Variants in IL31RA observed in about 807,000 individuals in gnomAD.
The protein encoded by IL31RA is interleukin 31 receptor A, also known as interleukin-31 receptor subunit alpha.
Under a neutral mutation model 83.7 loss-of-function variants are expected in IL31RA, and 66 were observed. The observed-to-expected ratio is 0.79, with a 90% CI of 0.65 to 0.97. IL31RA has a LOEUF of 0.97. IL31RA is among the 50% of genes least tolerant of loss of function. The pLI is 0.00. For synonymous variants in IL31RA, 325 were observed against 329.0 expected (o/e 0.99, Z 0.13); for missense variants, 798 against 919.4 (o/e 0.87, Z 1.71).
intron 2 of IL31RA, among the ~76,000 whole-genome samples, chr5:55,862,781 C>G (rs916684089): frequency 6.6e-6 from 1 of 152,178 alleles, no homozygotes; most frequent in African/African-American, 2.4e-5. Flanking sequence ...TCCTTGGTCT[C>G]TGCCGGTCTG....
At chr5:55,910,476 A>G in intron 11 of IL31RA, 56 bp from the exon 12 acceptor site, 1 of 1,608,648 alleles carries the variant, frequency 6.2e-7, no homozygotes, top group Non-Finnish European at 8.5e-7. Context: ...TGCTACTGGG[A>G]CACAATTTTC....
chr5:55,873,068 A>G (rs1344466405), intron 4 of IL31RA, among the ~76,000 whole-genome samples: 2 of 152,182 alleles, frequency 1.3e-5, no homozygotes, highest in East Asian at 3.9e-4. Context: ...TCAGTCCTCA[A>G]TCCTTTGTTT....
intron 4 of IL31RA, among the ~76,000 whole-genome samples, chr5:55,881,974 G>T (rs1351060458): frequency 6.6e-6 from 1 of 152,070 alleles, no homozygotes; most frequent in South Asian, 2.1e-4. Context: ...GCCTCCCAAA[G>T]TGCTGGGATT....
At chr5:55,884,468 T>C (rs1206136800) in intron 5 of IL31RA, among the ~76,000 whole-genome samples, 4 of 152,208 alleles carry the variant, frequency 2.6e-5, no homozygotes, top group Admixed American at 6.5e-5. Flanking sequence ...AGGGTCTCAC[T>C]CTGTTACCCA....
intron 12 of IL31RA, among the ~76,000 whole-genome samples, chr5:55,911,234 C>G (rs1480493488): frequency 6.6e-6 from 1 of 152,082 alleles, no homozygotes; most frequent in African/African-American, 2.4e-5. Flanking sequence ...GTGATTTCCC[C>G]CTATAAAACC....
chr5:55,922,382 C>A lies in IL31RA; in HGVS notation c.*5262C>A, dbSNP rs1156803655. ...AGGGAAGTGAGATACTTGTACTATG[C>A]ATTTCATTTTTAGGACTAGAATTCT... On this transcript the variant is annotated 3_prime_UTR_variant, in exon 15 of 15. Transcript: ENST00000652347. The A allele has an allele frequency of 6.5e-7, 1 of 1,548,864 alleles. No individual in the cohort carries two copies. The highest frequency in any genetic ancestry group is 1.2e-5 in the South Asian group (1 of 84,004).
At chr5:55,897,381 G>A (rs1748469953) in intron 7 of IL31RA, among the ~76,000 whole-genome samples, 1 of 151,908 alleles carries the variant, frequency 6.6e-6, no homozygotes, top group Non-Finnish European at 1.5e-5. Flanking sequence ...TTCGGGGTGG[G>A]TAGAAAGTGA....
chr5:55,882,222 A>G (rs1747284216), intron 4 of IL31RA, among the ~76,000 whole-genome samples: 1 of 152,190 alleles, frequency 6.6e-6, no homozygotes, highest in Admixed American at 6.5e-5. Context: ...CTGATTAGCT[A>G]CCTACTGTAA....
At chr5:55,910,909 TG>T (rs1381887271) in intron 12 of IL31RA, among the ~76,000 whole-genome samples, 2 of 152,184 alleles carry the variant, frequency 1.3e-5, no homozygotes, top group African/African-American at 4.8e-5. Context: ...TCGTTCCTCA[TG>T]GGCAGCCACA....
At chr5:55,840,122 T>C in the IL31RA span, 1 of 310,030 alleles carries the variant, frequency 3.2e-6, no homozygotes, top group Non-Finnish European at 6.2e-6. Context: ...TGGTAGACTT[T>C]ACTAGTATCT....
chr5:55,880,371 A>G (rs1747130550), intron 4 of IL31RA, among the ~76,000 whole-genome samples: 1 of 152,154 alleles, frequency 6.6e-6, no homozygotes. Flanking sequence ...AAGAATTACA[A>G]AGACCCCATT....
At chr5:55,888,055 C>A (rs1195376955) in intron 5 of IL31RA, among the ~76,000 whole-genome samples, 86 of 146,312 alleles carry the variant, frequency 5.9e-4, no homozygotes, top group East Asian at 1.2e-3. Context: ...AAAAAAAAAA[C>A]AAAAAACCAC....
chr5:55,852,701 A>G (rs1251449913), intron 1 of IL31RA, among the ~76,000 whole-genome samples: 4 of 152,176 alleles, frequency 2.6e-5, no homozygotes, highest in Non-Finnish European at 5.9e-5. Flanking sequence ...TCAGTCCATT[A>G]CAAACGGTTG....
intron 2 of IL31RA, among the ~76,000 whole-genome samples, chr5:55,866,442 C>T (rs921705840): frequency 7.3e-5 from 11 of 150,682 alleles, no homozygotes; most frequent in South Asian, 4.2e-4. Flanking sequence ...GTTAGATTCT[C>T]ATAAGGAGTG....
In IL31RA at chr5:55,903,747, A is replaced by T. The variant is rs1253272474; in HGVS notation, c.1070-2359A>T. On this transcript the variant is annotated intron_variant, in intron 8 of 14. Coordinates refer to ENST00000652347, the MANE Select transcript of IL31RA (RefSeq NM_139017.7). This position sits in a 1 kb window ranked among gnomAD's most constrained non-coding sequence, Gnocchi z 4.7. ...ATTTTTTAAAAAAGTGCCTCCAGGG[A>T]GATGAGGAAGCTGCAGAAGCAGGCC... Among the ~76,000 whole-genome samples, 2 of 152,196 alleles carry T rather than the reference A, an allele frequency of 1.3e-5. No individual in the cohort carries two copies. Among genetic ancestry groups the T allele is most frequent in the Admixed American group, 6.5e-5 (1 of 15,286 alleles).
chr5:55,909,408 G>A (rs547060012), intron 11 of IL31RA, among the ~76,000 whole-genome samples: 6 of 152,102 alleles, frequency 3.9e-5, no homozygotes, highest in South Asian at 2.1e-4. Context: ...TGTGTTTTTC[G>A]TTCTTTGGGG....
intron 6 of IL31RA, among the ~76,000 whole-genome samples, chr5:55,895,348 T>A (rs1748266795): frequency 6.6e-6 from 1 of 152,246 alleles, no homozygotes; most frequent in Admixed American, 6.5e-5. Context: ...TTCAGGTGCA[T>A]GTCAGGGCAT....
intron 4 of IL31RA, among the ~76,000 whole-genome samples, chr5:55,877,472 G>A (rs1229298539): frequency 6.6e-6 from 1 of 152,130 alleles, no homozygotes; most frequent in Non-Finnish European, 1.5e-5. Flanking sequence ...TTAATGTCTA[G>A]TGTCCTTTCA....
Position 55,922,482 on chromosome 5 carries a change from A to G in IL31RA, c.*5362A>G. ...TGTCCTGTGGTCTATGCAAATTAGA[A>G]AGGACATGCAGAGTTTTCCAACTAG... On this transcript the variant is annotated 3_prime_UTR_variant, in exon 15 of 15. Coordinates refer to ENST00000652347, the MANE Select transcript of IL31RA (RefSeq NM_139017.7). The G allele has an allele frequency of 6.8e-7, 1 of 1,469,468 alleles. No homozygotes were observed. The highest frequency in any genetic ancestry group is 1.2e-5 in the South Asian group (1 of 81,674). The allele number at this position is 1,469,468 out of a possible 1,614,324, so 91.0% of individuals were successfully genotyped here. A position where few individuals can be genotyped will look rare whatever the true frequency, so the allele number is the denominator to read the frequency against.
Sources: allele counts gnomAD v4.1 joint callset (sites outside exome capture counted in the v4.1 genomes callset), GRCh38; gene constraint gnomAD v4.1.1; non-coding constraint Gnocchi (gnomAD v3.1); transcripts MANE v1.5; gene names NCBI Gene and HGNC (gene_info 2026-07-23, HGNC 2026-07-21).